Variants in RBFOX1 observed in about 807,000 individuals in gnomAD.
The protein encoded by RBFOX1 is RNA binding protein fox-1 homolog 1.
RBFOX1 carries 8 observed loss-of-function variants against 57.7 expected under a neutral mutation model. The ratio of observed to expected loss-of-function variants is 0.14; its 90% CI spans 0.08 to 0.25. RBFOX1 has a LOEUF of 0.25. Among genes scored for constraint, RBFOX1 ranks in the 10% least tolerant of loss-of-function variants. The pLI, the probability that RBFOX1 is intolerant of heterozygous loss-of-function variation, is 1.00. For missense variants in RBFOX1, 611 were observed against 548.5 expected, an observed-to-expected ratio of 1.11 and a Z score of -1.14; for synonymous variants, 326 against 222.4, an observed-to-expected ratio of 1.47 and a Z score of -4.15.
chr16:5,469,172 C>T (rs1290747228), intron 2 of RBFOX1, among the ~76,000 whole-genome samples: 1 of 152,298 alleles, frequency 6.6e-6, no homozygotes, highest in African/African-American at 2.4e-5. Flanking sequence ...TGGAGGGGTT[C>T]TCTCAGGTGC....
chr16:6,606,170 A>C (rs1030300081), intron 2 of RBFOX1, among the ~76,000 whole-genome samples: 7 of 152,128 alleles, frequency 4.6e-5, no homozygotes, highest in East Asian at 1.9e-4. Flanking sequence ...GTAACATGCA[A>C]GTGTTGTGGG....
chr16:5,934,987 A>C (rs1250696793), intron 4 of RBFOX1, among the ~76,000 whole-genome samples: 1 of 152,224 alleles, frequency 6.6e-6, no homozygotes, highest in African/African-American at 2.4e-5. Context: ...CAGAGAGATC[A>C]GTCCTGCATC....
rs538531327 is a variant in RBFOX1, at chr16:7,643,805, C to T, written c.758-10010C>T. Among the ~76,000 whole-genome samples the T allele has an allele frequency of 8.8e-4, 134 of 152,216 alleles. 2 individuals carry two copies. Among genetic ancestry groups the T allele is most frequent in the African/African-American group, 3.2e-3 (131 of 41,540 alleles). ...TCCAATTAGCAGAAAAGGAACAGGG[C>T]CTTTCCAGGTGTCTTGAAATCTCAG... On this transcript the variant is annotated intron_variant, in intron 11 of 15. Transcript: ENST00000550418.
In RBFOX1 at chr16:7,327,347, G is replaced by A. The variant is rs114095945; in HGVS notation, c.28-190800G>A. 2.0e-3 allele frequency among the ~76,000 whole-genome samples: 306 copies of A among 152,296 alleles called. 1 individual carries two copies. The highest frequency in any genetic ancestry group is 6.8e-3 in the African/African-American group (282 of 41,564). On this transcript the variant is annotated intron_variant, in intron 4 of 15. Coordinates refer to ENST00000550418, the MANE Select transcript of RBFOX1 (RefSeq NM_018723.4). ...TGTAGAAAAACGGAAAATTTGTATC[G>A]GAGGATGAATTTGGACAGGGTAAAG... is the stretch of plus-strand genomic sequence containing the variant.
chr16:6,969,331 T>C (rs1251794091), intron 3 of RBFOX1, among the ~76,000 whole-genome samples: 1 of 152,100 alleles, frequency 6.6e-6, no homozygotes, highest in African/African-American at 2.4e-5. Context: ...TTAGGGTGCA[T>C]TGAGGGAGGC....
intron 4 of RBFOX1, among the ~76,000 whole-genome samples, chr16:7,065,600 C>G (rs529879662): frequency 6.6e-6 from 1 of 152,206 alleles, no homozygotes; most frequent in African/African-American, 2.4e-5. Flanking sequence ...TGTGAAATGG[C>G]TAAATTGAAC....
intron 10 of RBFOX1, among the ~76,000 whole-genome samples, chr16:7,625,762 C>A (rs1036452623): frequency 6.6e-6 from 1 of 152,198 alleles, no homozygotes; most frequent in African/African-American, 2.4e-5. Context: ...AACGGGCAGA[C>A]ATTGCCAAAC....
chr16:5,829,733 T>A (rs2056198472), intron 3 of RBFOX1, among the ~76,000 whole-genome samples: 1 of 152,178 alleles, frequency 6.6e-6, no homozygotes, highest in South Asian at 2.1e-4. Context: ...ATCCAATTTA[T>A]TTGTTATTTC....
chr16:5,406,314 C>T (rs1018864951), intron 1 of RBFOX1, among the ~76,000 whole-genome samples: 3 of 151,836 alleles, frequency 2.0e-5, no homozygotes, highest in African/African-American at 7.3e-5. Context: ...GAGTGCCATC[C>T]AATCCGTCAA....
intron 4 of RBFOX1, among the ~76,000 whole-genome samples, chr16:7,065,874 G>T (rs1000644401): frequency 6.6e-6 from 1 of 151,984 alleles, no homozygotes; most frequent in Non-Finnish European, 1.5e-5. Flanking sequence ...TTTTTTAGAC[G>T]CTACATGGAA....
At chr16:5,463,412 T>C (rs903605364) in intron 1 of RBFOX1, among the ~76,000 whole-genome samples, 2 of 152,194 alleles carry the variant, frequency 1.3e-5, no homozygotes, top group Admixed American at 1.3e-4. Flanking sequence ...TTAGCAATAC[T>C]AGATTTTGAG....
At chr16:6,052,809 TAA>T in intron 1 of RBFOX1, among the ~76,000 whole-genome samples, 1 of 79,554 alleles carries the variant, frequency 1.3e-5, no homozygotes, top group South Asian at 4.1e-4. Flanking sequence ...TAAAATATAA[TAA>T]TAATAATAAT....
chr16:6,759,621 G>A (rs1267627962), intron 3 of RBFOX1, among the ~76,000 whole-genome samples: 1 of 151,726 alleles, frequency 6.6e-6, no homozygotes, highest in Non-Finnish European at 1.5e-5. Flanking sequence ...TTGTTCTTTA[G>A]CATGTAGGGA....
chr16:6,261,920 C>G (rs574644121), intron 1 of RBFOX1, among the ~76,000 whole-genome samples: 5 of 152,038 alleles, frequency 3.3e-5, no homozygotes, highest in Admixed American at 1.3e-4. Context: ...ATCCCAGATA[C>G]TTGGGAGGCT....
At chr16:7,236,121 C>A (rs1441818276) in intron 4 of RBFOX1, among the ~76,000 whole-genome samples, 6 of 152,118 alleles carry the variant, frequency 3.9e-5, no homozygotes, top group Admixed American at 1.3e-4. Flanking sequence ...AGAGTGTTTT[C>A]TTGTTTGTGT....
chr16:6,351,385 T>G (rs1310259556), intron 2 of RBFOX1, among the ~76,000 whole-genome samples: 19 of 143,980 alleles, frequency 1.3e-4, no homozygotes, highest in African/African-American at 4.6e-4. Flanking sequence ...TTTTTTTTTT[T>G]TTCTTGAGGC....
chr16:7,320,511 C>T (rs1369808615), intron 4 of RBFOX1, among the ~76,000 whole-genome samples: 3 of 152,162 alleles, frequency 2.0e-5, no homozygotes, highest in Non-Finnish European at 4.4e-5. Context: ...CATGTCTTTG[C>T]TATTGTGATT....
intron 3 of RBFOX1, among the ~76,000 whole-genome samples, chr16:6,662,184 C>G (rs776596960): frequency 1.3e-5 from 2 of 151,932 alleles, no homozygotes; most frequent in Non-Finnish European, 2.9e-5. Context: ...CCCTCATCAT[C>G]AGATTAAGTT....
intron 2 of RBFOX1, among the ~76,000 whole-genome samples, chr16:5,549,407 A>T (rs2045366704): frequency 6.6e-6 from 1 of 152,174 alleles, no homozygotes; most frequent in Non-Finnish European, 1.5e-5. Context: ...GGTGACGTTG[A>T]TCAGAAGGAA....
Sources: allele counts gnomAD v4.1 joint callset (sites outside exome capture counted in the v4.1 genomes callset), GRCh38; gene constraint gnomAD v4.1.1; transcripts MANE v1.5; gene names NCBI Gene and HGNC (gene_info 2026-07-23, HGNC 2026-07-21).